RHPN2: variants seen among roughly 807,000 people sequenced by gnomAD.
The protein encoded by RHPN2 is rhophilin-2.
In RHPN2, 40 loss-of-function variants were observed where a neutral mutation model predicts 79.0. That is an observed-to-expected ratio of 0.51 (90% confidence interval 0.39 to 0.66). The LOEUF is 0.66. Among genes scored for constraint, RHPN2 ranks in the 30% least tolerant of loss-of-function variants. The pLI is 0.00. For synonymous variants in RHPN2, 285 were observed against 363.5 expected (o/e 0.78, Z 2.46); for missense variants, 686 against 883.5 (o/e 0.78, Z 2.83).
At chr19:32,981,428 G>GTC (rs1971573441) in intron 14 of RHPN2, among the ~76,000 whole-genome samples, 1 of 102,752 alleles carries the variant, frequency 9.7e-6, no homozygotes, top group African/African-American at 3.8e-5. Flanking sequence ...GGGGGGGGGC[G>GTC]GGGGGAAGGG....
intron 2 of RHPN2, among the ~76,000 whole-genome samples, chr19:33,034,612 A>AAAAC (rs1203866092): frequency 2.7e-5 from 4 of 149,654 alleles, no homozygotes; most frequent in Admixed American, 6.7e-5. Context: ...TCTCAAAAAA[A>AAAAC]AAAAAAAAAA....
At chr19:33,033,005 T>C (rs1431323622) in intron 2 of RHPN2, among the ~76,000 whole-genome samples, 2 of 152,148 alleles carry the variant, frequency 1.3e-5, no homozygotes, top group Admixed American at 1.3e-4. Flanking sequence ...TGATTTAATC[T>C]TACATGTTGT....
chr19:32,983,441 G>A (rs1160695153), intron 14 of RHPN2, among the ~76,000 whole-genome samples: 5 of 151,798 alleles, frequency 3.3e-5, no homozygotes, highest in East Asian at 4.0e-4. Context: ...GAACCAGGAG[G>A]TGGAGCTTGC....
At chr19:33,053,895 C>A (rs1972210210) in intron 1 of RHPN2, among the ~76,000 whole-genome samples, 1 of 151,814 alleles carries the variant, frequency 6.6e-6, no homozygotes, top group Admixed American at 6.6e-5. Flanking sequence ...ATCTCACTCT[C>A]TTGCCCAGGC....
intron 1 of RHPN2, 57 bp downstream of exon 1, chr19:33,064,726 CG>C (rs1972312688): frequency 8.0e-6 from 12 of 1,498,998 alleles, no homozygotes; most frequent in East Asian, 2.6e-5. Flanking sequence ...CTGCAGGGCC[CG>C]GGGGAAAGGA....
intron 14 of RHPN2, among the ~76,000 whole-genome samples, chr19:32,989,610 CT>C (rs1376883862): frequency 1.3e-5 from 2 of 152,070 alleles, no homozygotes; most frequent in Non-Finnish European, 2.9e-5. Flanking sequence ...GTATGTATTA[CT>C]TTTGTAATTA....
chr19:33,045,897 CTT>C (rs1972139000), intron 1 of RHPN2, among the ~76,000 whole-genome samples: 1 of 152,200 alleles, frequency 6.6e-6, no homozygotes, highest in South Asian at 2.1e-4. Flanking sequence ...TACTTTCTGT[CTT>C]TACAGGTTTG....
At chr19:33,021,681 C>G (rs1231754131) in intron 3 of RHPN2, 35 bp from the exon 4 acceptor site, 1 of 1,541,350 alleles carries the variant, frequency 6.5e-7, no homozygotes, top group Non-Finnish European at 9.0e-7. Flanking sequence ...TATGAACACC[C>G]CCAACCGGAC....
chr19:33,005,063 T>C (rs1490932079), intron 7 of RHPN2, among the ~76,000 whole-genome samples: 1 of 151,166 alleles, frequency 6.6e-6, no homozygotes, highest in Admixed American at 6.6e-5. Flanking sequence ...GGGACCAGGC[T>C]CACACATAAG....
chr19:32,982,250 A>G (rs1971580763), intron 14 of RHPN2, among the ~76,000 whole-genome samples: 1 of 151,972 alleles, frequency 6.6e-6, no homozygotes, highest in Admixed American at 6.6e-5. Flanking sequence ...TCTACTAAAA[A>G]TACAAAAATC....
rs373978011 is a variant in RHPN2 at position 33,041,511 on chromosome 19, AC to A, written c.185+2737del. Among the ~76,000 whole-genome samples the A allele has an allele frequency of 3.4e-3, 519 of 151,506 alleles. 6 individuals are homozygous for A. Among genetic ancestry groups the A allele is most frequent in the African/African-American group, 0.012 (493 of 41,254 alleles). On this transcript the variant is annotated intron_variant, in intron 2 of 14. Transcript: ENST00000254260. ...TAGGCCACTGTGAGAATCATTAACA[AC>A]CCCCCACTCCTGCCCCTGCCAACCC...
At position 32,979,305 on chromosome 19, in the gene RHPN2, A is replaced by G. The variant is rs1971555100; in HGVS notation, c.*691T>C. The G allele has an allele frequency of 6.6e-6, 1 of 152,648 alleles. No homozygotes were observed. Among genetic ancestry groups the G allele is most frequent in the Non-Finnish European group, 1.5e-5 (1 of 68,066 alleles). The allele number at this position is 152,648 out of a possible 1,614,324, so 9.5% of individuals were successfully genotyped here. A position where few individuals can be genotyped will look rare whatever the true frequency, so the allele number is the denominator to read the frequency against. On this transcript the variant is annotated 3_prime_UTR_variant, in exon 15 of 15. Transcript: ENST00000254260. ...AAAAATGTTTTGAGTATCAAACAGT[A>G]TATTATCTACCTTGTAGACAGCATC...
intron 1 of RHPN2, among the ~76,000 whole-genome samples, chr19:33,059,941 A>G (rs1312673599): frequency 1.3e-5 from 2 of 152,002 alleles, no homozygotes; most frequent in Non-Finnish European, 2.9e-5. Flanking sequence ...CTTTCACTCA[A>G]TACCCCAACT....
intron 7 of RHPN2, among the ~76,000 whole-genome samples, chr19:33,006,243 C>T (rs746634559): frequency 6.6e-6 from 1 of 152,016 alleles, no homozygotes; most frequent in Non-Finnish European, 1.5e-5. Context: ...GTCACCCAGG[C>T]TAGAGTACAG....
chr19:33,017,681 A>G (rs1971888899), intron 4 of RHPN2, among the ~76,000 whole-genome samples: 1 of 147,782 alleles, frequency 6.8e-6, no homozygotes, highest in Admixed American at 7.0e-5. Flanking sequence ...CCTGGGCATC[A>G]TAGTGAGGAG....
At chr19:33,003,055 G>T in intron 7 of RHPN2, 55 bp from the exon 8 acceptor site, 1 of 1,530,594 alleles carries the variant, frequency 6.5e-7, no homozygotes. Flanking sequence ...ACTTCATCAC[G>T]TTGCTATAGA....
At chr19:32,998,367 G>T (rs1342435662) in intron 10 of RHPN2, among the ~76,000 whole-genome samples, 1 of 152,180 alleles carries the variant, frequency 6.6e-6, no homozygotes, top group Non-Finnish European at 1.5e-5. Context: ...AAGAGGTTAG[G>T]TGTGGTGGCT....
chr19:33,029,323 G>T (rs28834214), intron 2 of RHPN2, among the ~76,000 whole-genome samples: 1 of 151,622 alleles, frequency 6.6e-6, no homozygotes, highest in Non-Finnish European at 1.5e-5. Flanking sequence ...TCAGGAGATC[G>T]AGACCATCCT....
At chr19:33,018,685 T>A (rs1234050240) in intron 4 of RHPN2, among the ~76,000 whole-genome samples, 2 of 152,130 alleles carry the variant, frequency 1.3e-5, no homozygotes, top group East Asian at 3.9e-4. Context: ...TCTATTTATG[T>A]CAAACAACTC....
Sources: gnomAD v4.1 joint callset for allele counts (sites outside exome capture counted in the v4.1 genomes callset) on GRCh38, gnomAD v4.1.1 for gene constraint, MANE v1.5 for transcripts, NCBI Gene and HGNC (gene_info 2026-07-23, HGNC 2026-07-21) for gene names.